The following HFM1 variants were observed in gnomAD, a reference collection of about 807,000 sequenced individuals.
HFM1 encodes the protein helicase for meiosis 1.
Under a neutral mutation model 192.1 loss-of-function variants are expected in HFM1, and 169 were observed. That is an observed-to-expected ratio of 0.88 (90% CI 0.78 to 1.00). The LOEUF is 1.00. Among genes scored for constraint, HFM1 ranks in the 50% least tolerant of loss-of-function variants. The probability of loss-of-function intolerance (pLI) is 0.00; values close to 1 mark genes in which losing one functional copy is unlikely to be tolerated. For synonymous variants in HFM1, 525 were observed against 537.8 expected, an observed-to-expected ratio of 0.98 and a Z score of 0.33; for missense variants, 1,661 against 1,668.0, an observed-to-expected ratio of 1.00 and a Z score of 0.07.
intron 30 of HFM1, among the ~76,000 whole-genome samples, chr1:91,307,616 T>A (rs1425588341): frequency 2.6e-5 from 4 of 151,862 alleles, no homozygotes; most frequent in Non-Finnish European, 4.4e-5. Context: ...CCACACTCAC[T>A]AATTTTTTTT....
chr1:91,304,953 TC>T (rs568970392), intron 30 of HFM1, among the ~76,000 whole-genome samples: 474 of 152,330 alleles, frequency 3.1e-3, no homozygotes, highest in Non-Finnish European at 5.1e-3. Flanking sequence ...TGTTTTGGCA[TC>T]CTTGTCAAAA....
At chr1:91,347,515 C>T (rs774616994) in intron 18 of HFM1, 39 bp from the exon 19 acceptor site, 3 of 1,416,320 alleles carry the variant, frequency 2.1e-6, no homozygotes, top group East Asian at 2.4e-5. Flanking sequence ...TTTAGCTCAT[C>T]TTTACAGGCT....
chr1:91,321,277 C>T (rs1033620729), intron 23 of HFM1, among the ~76,000 whole-genome samples: 7 of 152,074 alleles, frequency 4.6e-5, no homozygotes, highest in Non-Finnish European at 1.5e-5. Context: ...AACCCCATCT[C>T]TACTAAAAAT....
intron 6 of HFM1, among the ~76,000 whole-genome samples, chr1:91,382,679 C>A (rs1661692538): frequency 6.6e-6 from 1 of 152,110 alleles, no homozygotes; most frequent in Non-Finnish European, 1.5e-5. Flanking sequence ...TGTAACAAGC[C>A]CACGAGTGGG....
chr1:91,289,421 G>A (rs2100907652), intron 30 of HFM1, among the ~76,000 whole-genome samples: 1 of 152,102 alleles, frequency 6.6e-6, no homozygotes, highest in Non-Finnish European at 1.5e-5. Flanking sequence ...CAGACGATGG[G>A]CGGCCAGGCA....
chr1:91,355,285 A>G (rs1273343259), intron 13 of HFM1, among the ~76,000 whole-genome samples: 1 of 152,154 alleles, frequency 6.6e-6, no homozygotes, highest in Non-Finnish European at 1.5e-5. Flanking sequence ...AACTTATACA[A>G]CAAGAGGAAG....
intron 30 of HFM1, among the ~76,000 whole-genome samples, chr1:91,291,471 C>T (rs1031799879): frequency 2.3e-4 from 35 of 152,114 alleles, no homozygotes; most frequent in Admixed American, 2.6e-4. Flanking sequence ...ATACATTCCT[C>T]GACACATACA....
At chr1:91,272,541 A>G (rs1666403184) in intron 34 of HFM1, among the ~76,000 whole-genome samples, 1 of 152,078 alleles carries the variant, frequency 6.6e-6, no homozygotes, top group Non-Finnish European at 1.5e-5. Context: ...AGAGGGAAGG[A>G]TAGACAAGCT....
chr1:91,344,068 T>C (rs1351206006), intron 19 of HFM1, among the ~76,000 whole-genome samples: 1 of 152,234 alleles, frequency 6.6e-6, no homozygotes, highest in African/African-American at 2.4e-5. Context: ...GTTTGCCACT[T>C]TCTTGAAGCA....
At chr1:91,287,815 T>C (rs1668196786) in intron 30 of HFM1, among the ~76,000 whole-genome samples, 1 of 151,516 alleles carries the variant, frequency 6.6e-6, no homozygotes. Flanking sequence ...GAGAAGTGCT[T>C]AAAGGAGCTG....
At chr1:91,349,170 T>A (rs1279238429) in intron 18 of HFM1, among the ~76,000 whole-genome samples, 1 of 152,020 alleles carries the variant, frequency 6.6e-6, no homozygotes, top group Non-Finnish European at 1.5e-5. Flanking sequence ...GTGCCTGTAG[T>A]CTGAGCTACT....
chr1:91,304,976 G>A (rs1346245019), intron 30 of HFM1, among the ~76,000 whole-genome samples: 2 of 152,130 alleles, frequency 1.3e-5, no homozygotes, highest in Admixed American at 1.3e-4. Flanking sequence ...TAAACTGGCA[G>A]AGAGGTAAAG....
intron 13 of HFM1, among the ~76,000 whole-genome samples, chr1:91,369,016 T>C (rs1007446187): frequency 2.6e-5 from 4 of 152,204 alleles, no homozygotes; most frequent in Non-Finnish European, 4.4e-5. Flanking sequence ...TATTACATAA[T>C]GGTAAACGGA....
chr1:91,274,870 G>C, intron 32 of HFM1, 61 bp from the exon 33 acceptor site: 1 of 772,138 alleles, frequency 1.3e-6, no homozygotes, highest in South Asian at 2.0e-5. Flanking sequence ...TGTAACACAT[G>C]AGCCAAACAA....
chr1:91,346,557 A>G (rs559735206), intron 19 of HFM1, among the ~76,000 whole-genome samples: 1 of 152,366 alleles, frequency 6.6e-6, no homozygotes, highest in South Asian at 2.1e-4. Context: ...ATATCCAAGT[A>G]GAGAATAAAT....
At chr1:91,371,578 T>C (rs1660202932) in intron 13 of HFM1, among the ~76,000 whole-genome samples, 1 of 124,008 alleles carries the variant, frequency 8.1e-6, no homozygotes, top group Admixed American at 9.1e-5. Flanking sequence ...TTACACCTTA[T>C]ACAAAAATTA....
At chr1:91,364,936 A>G (rs1260507928) in intron 13 of HFM1, among the ~76,000 whole-genome samples, 1 of 151,444 alleles carries the variant, frequency 6.6e-6, no homozygotes, top group Non-Finnish European at 1.5e-5. Flanking sequence ...CCTGGTGTGT[A>G]TATATATATA....
At chr1:91,389,034 A>C (rs1662589659) in intron 4 of HFM1, among the ~76,000 whole-genome samples, 1 of 152,130 alleles carries the variant, frequency 6.6e-6, no homozygotes, top group South Asian at 2.1e-4. Flanking sequence ...TAATCACATG[A>C]AAATATTCTT....
chr1:91,392,425 G>A (rs953260315), intron 4 of HFM1, among the ~76,000 whole-genome samples: 1 of 152,212 alleles, frequency 6.6e-6, no homozygotes, highest in African/African-American at 2.4e-5. Flanking sequence ...CATAAAAAAG[G>A]ATGAGTTCAT....
Sources: gnomAD v4.1 joint callset for allele counts (sites outside exome capture counted in the v4.1 genomes callset) on GRCh38, gnomAD v4.1.1 for gene constraint, MANE v1.5 for transcripts, NCBI Gene and HGNC (gene_info 2026-07-23, HGNC 2026-07-21) for gene names.